The following KLRD1 variants were observed in gnomAD, a reference collection of about 807,000 sequenced individuals.
KLRD1 encodes killer cell lectin like receptor D1.
Under a neutral mutation model 22.6 loss-of-function variants are expected in KLRD1, and 21 were observed. The ratio of observed to expected loss-of-function variants is 0.93; its 90% confidence interval spans 0.66 to 1.34. The LOEUF (loss-of-function observed/expected upper bound fraction) is 1.34. Ranked by LOEUF, KLRD1 falls within the 40% of genes most tolerant of loss-of-function variation. The probability of loss-of-function intolerance (pLI) is 0.00; values close to 1 mark genes in which losing one functional copy is unlikely to be tolerated. For synonymous variants in KLRD1, 59 were observed against 71.1 expected (o/e 0.83, Z 0.85); for missense variants, 183 against 208.6 (o/e 0.88, Z 0.76).
upstream of KLRD1, among the ~76,000 whole-genome samples, chr12:10,301,838 A>G (rs981859065): frequency 6.6e-6 from 1 of 152,224 alleles, no homozygotes; most frequent in African/African-American, 2.4e-5. Flanking sequence ...AGTGAGAGAC[A>G]TGAGAGTCTT....
chr12:10,297,456 G>C (rs1001729935), intron 1 of KLRD1, among the ~76,000 whole-genome samples: 4 of 151,832 alleles, frequency 2.6e-5, no homozygotes, highest in Admixed American at 6.6e-5. Flanking sequence ...AAAACATTTA[G>C]ACTATTATTG....
At chr12:10,272,801 T>A (rs12304713) in intron 1 of KLRD1, among the ~76,000 whole-genome samples, 23,874 of 152,194 alleles carry the variant, frequency 0.16, 3,526 homozygotes, top group African/African-American at 0.39. Context: ...TTGTTTTTTC[T>A]TTTATGTATG....
At chr12:10,294,636 C>A (rs1457511118) in intron 1 of KLRD1, among the ~76,000 whole-genome samples, 1 of 152,052 alleles carries the variant, frequency 6.6e-6, no homozygotes, top group Admixed American at 6.5e-5. Flanking sequence ...CCTGACCTCA[C>A]ATGATCCACC....
intron 1 of KLRD1, among the ~76,000 whole-genome samples, chr12:10,271,090 C>T (rs1435099146): frequency 1.1e-5 from 1 of 90,286 alleles, no homozygotes; most frequent in East Asian, 3.2e-4. Context: ...GCCTCCACTC[C>T]CTAATTGTTT....
intron 3 of KLRD1, among the ~76,000 whole-genome samples, chr12:10,310,894 A>G (rs2137701679): frequency 6.6e-6 from 1 of 152,356 alleles, no homozygotes; most frequent in African/African-American, 2.4e-5. Flanking sequence ...GTGGGTAACA[A>G]ACGTTGAAGA....
In KLRD1 at chr12:10,329,197, G is replaced by A. The variant is rs551039783; in HGVS notation, c.*14404G>A. 1 of 152,146 alleles carries A rather than the reference G, an allele frequency of 6.6e-6. No homozygotes were observed. The highest frequency in any genetic ancestry group is 2.1e-4 in the South Asian group (1 of 4,818). The allele number at this position is 152,146 out of a possible 1,614,324, so 9.4% of individuals were successfully genotyped here. ...ACTTTTACTACATCCCATAAGTTTT[G>A]TTAGACTTTATTTTTGTTTTCATTT... On this transcript the variant is annotated 3_prime_UTR_variant, in exon 6 of 6. Coordinates refer to ENST00000336164, the MANE Select transcript of KLRD1 (RefSeq NM_002262.5).
intron 1 of KLRD1, among the ~76,000 whole-genome samples, chr12:10,286,007 AC>A (rs1949698527): frequency 6.6e-6 from 1 of 152,144 alleles, no homozygotes; most frequent in Non-Finnish European, 1.5e-5. Flanking sequence ...ATTGTTTGCA[AC>A]AGCATCTTAC....
chr12:10,260,977 A>AT (rs34182647), intron 1 of KLRD1, among the ~76,000 whole-genome samples: 31 of 148,886 alleles, frequency 2.1e-4, no homozygotes, highest in African/African-American at 7.3e-4. Flanking sequence ...AAAAAAAAAA[A>AT]TTTTTTTGAG....
chr12:10,242,935 A>G (rs1949254607), intron 1 of KLRD1, among the ~76,000 whole-genome samples: 1 of 152,190 alleles, frequency 6.6e-6, no homozygotes, highest in South Asian at 2.1e-4. Flanking sequence ...ACACGGTGAA[A>G]TACTATTCAC....
intron 4 of KLRD1, among the ~76,000 whole-genome samples, chr12:10,312,738 C>A (rs894258304): frequency 6.6e-6 from 1 of 151,192 alleles, no homozygotes; most frequent in East Asian, 2.0e-4. Flanking sequence ...ACCTGTAATC[C>A]CAGCACTTTG....
At chr12:10,284,923 G>A (rs939345375) in intron 1 of KLRD1, among the ~76,000 whole-genome samples, 2 of 152,042 alleles carry the variant, frequency 1.3e-5, no homozygotes, top group African/African-American at 2.4e-5. Flanking sequence ...GGAGGTTGCG[G>A]TGAGCCCAGA....
chr12:10,243,636 G>GAAAAAAAAAAAAAAAAAAAAA (rs1949263487), intron 1 of KLRD1, among the ~76,000 whole-genome samples: 1 of 124,394 alleles, frequency 8.0e-6, no homozygotes, highest in Non-Finnish European at 1.6e-5. Flanking sequence ...AAAAAAAACC[G>GAAAAAAAAAAAAAAAAAAAAA]AAATGAAAGA....
chr12:10,287,659 G>A (rs1396797727), intron 1 of KLRD1, among the ~76,000 whole-genome samples: 1 of 152,146 alleles, frequency 6.6e-6, no homozygotes, highest in East Asian at 1.9e-4. Flanking sequence ...GGAGAAACGA[G>A]GAAATAAAAT....
chr12:10,246,928 C>CTT (rs1208226436), intron 1 of KLRD1, among the ~76,000 whole-genome samples: 9,758 of 127,626 alleles, frequency 0.076, 488 homozygotes, highest in East Asian at 0.27. Context: ...CTTTTCTTTT[C>CTT]TTTTCTTTTT....
chr12:10,267,311 T>G (rs1384255704), intron 1 of KLRD1, among the ~76,000 whole-genome samples: 1 of 152,152 alleles, frequency 6.6e-6, no homozygotes, highest in Non-Finnish European at 1.5e-5. Context: ...TAATATATAT[T>G]CAATTTATAA....
intron 1 of KLRD1, among the ~76,000 whole-genome samples, chr12:10,294,435 A>G (rs1186660231): frequency 6.6e-6 from 1 of 152,084 alleles, no homozygotes; most frequent in Non-Finnish European, 1.5e-5. Context: ...GTCTCACTCT[A>G]TAGCCCAGTC....
rs570840612 is a variant in KLRD1 at position 10,321,543 on chromosome 12, A to C, written c.*6750A>C. On this transcript the variant is annotated 3_prime_UTR_variant, in exon 6 of 6. Coordinates refer to ENST00000336164, the MANE Select transcript of KLRD1 (RefSeq NM_002262.5). ...TCTTGGAATTTAACCCTTTTGATAT[A>C]ATCAATTACATTGTATAAGGGTTGA... 7.9e-5 allele frequency: 12 copies of C among 152,350 alleles called. No individual in the cohort carries two copies. The highest frequency in any genetic ancestry group is 2.6e-4 in the African/African-American group (11 of 41,572). 9.4% of individuals were successfully genotyped at this position (152,350 alleles called of 1,614,324 possible). A position where few individuals can be genotyped will look rare whatever the true frequency, so the allele number is the denominator to read the frequency against.
chr12:10,252,291 C>G (rs1949352997), intron 1 of KLRD1, among the ~76,000 whole-genome samples: 1 of 152,014 alleles, frequency 6.6e-6, no homozygotes, highest in South Asian at 2.1e-4. Flanking sequence ...ATAAATAATA[C>G]AAAAATTAGC....
rs1950361684 is a variant in KLRD1 at position 10,326,318 on chromosome 12, C to T, written c.*11525C>T. 6.6e-6 allele frequency: 1 copy of T among 152,112 alleles called. No homozygotes were observed. The allele number at this position is 152,112 out of a possible 1,614,324, so 9.4% of individuals were successfully genotyped here. A position where few individuals can be genotyped will look rare whatever the true frequency, so the allele number is the denominator to read the frequency against. On this transcript the variant is annotated 3_prime_UTR_variant, in exon 6 of 6. Coordinates refer to ENST00000336164, the MANE Select transcript of KLRD1 (RefSeq NM_002262.5). ...AACCCTGAAAATTTGAGACAGGTCTCAGTTAATTTAGAAAGTTTATTTTGC... is the reference window on the plus strand; with the variant it reads ...AACCCTGAAAATTTGAGACAGGTCTTAGTTAATTTAGAAAGTTTATTTTGC...
Sources: gnomAD v4.1 joint callset for allele counts (sites outside exome capture counted in the v4.1 genomes callset) on GRCh38, gnomAD v4.1.1 for gene constraint, MANE v1.5 for transcripts, NCBI Gene and HGNC (gene_info 2026-07-23, HGNC 2026-07-21) for gene names.